The following LOC400499 variants were observed in gnomAD, a reference collection of about 807,000 sequenced individuals.
the LOC400499 span, chr16:11,477,803 C>A: frequency 2.5e-6 from 1 of 398,922 alleles, no homozygotes; most frequent in Non-Finnish European, 4.4e-6. Context: ...CCTGCGCCAG[C>A]TCCCAGGAGC....
chr16:11,419,884 C>G, the LOC400499 span, among the ~76,000 whole-genome samples: 4 of 151,486 alleles, frequency 2.6e-5, no homozygotes, highest in South Asian at 4.2e-4. Flanking sequence ...CAAATCAAAA[C>G]CACAATGAGA....
chr16:11,520,618 G>C, the LOC400499 span, among the ~76,000 whole-genome samples: 1 of 137,550 alleles, frequency 7.3e-6, no homozygotes, highest in Non-Finnish European at 1.5e-5. Context: ...AATGAGCTGA[G>C]ATTGTGCTAT....
the LOC400499 span, among the ~76,000 whole-genome samples, chr16:11,489,883 A>C: frequency 1.3e-5 from 2 of 152,242 alleles, no homozygotes; most frequent in African/African-American, 2.4e-5. Context: ...AAATTATCCT[A>C]AAGTGAGATT....
chr16:11,522,127 G>A, the LOC400499 span: 1 of 398,966 alleles, frequency 2.5e-6, no homozygotes, highest in South Asian at 1.3e-4. Context: ...AGGGCAGAGA[G>A]AGAGACAGCA....
the LOC400499 span, among the ~76,000 whole-genome samples, chr16:11,507,670 G>A: frequency 6.6e-6 from 1 of 152,184 alleles, no homozygotes; most frequent in African/African-American, 2.4e-5. Flanking sequence ...AGTGGCTCAC[G>A]CCTGTAATCC....
chr16:11,450,311 A>G, the LOC400499 span, among the ~76,000 whole-genome samples: 1 of 152,186 alleles, frequency 6.6e-6, no homozygotes, highest in African/African-American at 2.4e-5. Flanking sequence ...TTTTTGGCAA[A>G]AGCCGAATGT....
the LOC400499 span, among the ~76,000 whole-genome samples, chr16:11,501,589 C>T: frequency 1.3e-5 from 2 of 152,166 alleles, no homozygotes; most frequent in African/African-American, 2.4e-5. Flanking sequence ...AACTCCTGAG[C>T]ATAGCCGTAA....
chr16:11,379,197 G>A, the LOC400499 span, among the ~76,000 whole-genome samples: 3 of 152,302 alleles, frequency 2.0e-5, no homozygotes, highest in South Asian at 2.1e-4. Flanking sequence ...GCAGTGAGCC[G>A]TTATCATGCC....
At chr16:11,398,511 T>C in the LOC400499 span, 1 of 1,232,194 alleles carries the variant, frequency 8.1e-7, no homozygotes. Context: ...CCAATGCCTC[T>C]GGAATGAGAG....
chr16:11,496,864 G>T, the LOC400499 span, among the ~76,000 whole-genome samples: 2 of 151,244 alleles, frequency 1.3e-5, no homozygotes, highest in East Asian at 3.9e-4. Flanking sequence ...CTCCAGGTAC[G>T]TGAGTCTTGG....
the LOC400499 span, among the ~76,000 whole-genome samples, chr16:11,376,964 A>ATTTTTTTTTTTTTTTTTT: frequency 7.3e-6 from 1 of 137,234 alleles, no homozygotes. Context: ...TTTAAAGATG[A>ATTTTTTTTTTTTTTTTTT]TGTCTCACTG....
chr16:11,522,252 G>C, the LOC400499 span: 1 of 397,508 alleles, frequency 2.5e-6, no homozygotes. Context: ...CTTGGGGAAA[G>C]GTTGGGTAGC....
chr16:11,517,776 G>T, the LOC400499 span, among the ~76,000 whole-genome samples: 1 of 152,198 alleles, frequency 6.6e-6, no homozygotes, highest in Non-Finnish European at 1.5e-5. Context: ...GCAGAGTGAA[G>T]GGACGGGGAA....
chr16:11,421,409 G>GTT, the LOC400499 span, among the ~76,000 whole-genome samples: 11 of 148,280 alleles, frequency 7.4e-5, no homozygotes, highest in Non-Finnish European at 1.0e-4. Flanking sequence ...TTTTTGTGTT[G>GTT]TTTTTTTTTT....
At chr16:11,486,748 GTGGGTGGGTGGA>G in the LOC400499 span, among the ~76,000 whole-genome samples, 1 of 44,396 alleles carries the variant, frequency 2.3e-5, no homozygotes, top group Non-Finnish European at 3.6e-5. Context: ...TGGATAATGG[GTGGGTGGGTGGA>G]TGGATGAATG....
the LOC400499 span, chr16:11,404,630 AG>A: frequency 2.5e-6 from 1 of 398,404 alleles, no homozygotes; most frequent in Admixed American, 4.4e-5. Flanking sequence ...TACAGGCATG[AG>A]CCACCGCGCC....
chr16:11,498,524 T>TAA, the LOC400499 span, among the ~76,000 whole-genome samples: 1 of 122,458 alleles, frequency 8.2e-6, no homozygotes, highest in Non-Finnish European at 1.8e-5. Context: ...TAAATAAAAT[T>TAA]AATCCGAAAT....
the LOC400499 span, among the ~76,000 whole-genome samples, chr16:11,495,777 A>T: frequency 9.8e-4 from 149 of 151,962 alleles, no homozygotes; most frequent in Admixed American, 4.1e-3. Context: ...CCCATTTTGC[A>T]GAGCAGGAAG....
At chr16:11,427,134 G>A in the LOC400499 span, among the ~76,000 whole-genome samples, 1 of 151,550 alleles carries the variant, frequency 6.6e-6, no homozygotes, top group African/African-American at 2.4e-5. Context: ...TAGGAGGGTG[G>A]GTCACCTGAG....
Sources: allele counts gnomAD v4.1 joint callset (sites outside exome capture counted in the v4.1 genomes callset), GRCh38; gene constraint gnomAD v4.1.1; transcripts MANE v1.5.